Variants in C3orf18 observed in about 807,000 individuals in gnomAD.
C3orf18 encodes the protein chromosome 3 open reading frame 18, also known as uncharacterized protein C3orf18.
In C3orf18, 12 loss-of-function variants were observed where a neutral mutation model predicts 14.1. The observed-to-expected ratio is 0.85, with a 90% CI of 0.55 to 1.38. The LOEUF is 1.38. C3orf18 is among the 40% of genes most tolerant of loss of function. The pLI, the probability that C3orf18 is intolerant of heterozygous loss-of-function variation, is 0.00. For synonymous variants in C3orf18, 82 were observed against 87.9 expected, an observed-to-expected ratio of 0.93 and a Z score of 0.38; for missense variants, 196 against 213.9, an observed-to-expected ratio of 0.92 and a Z score of 0.52.
rs368736878 is a variant in C3orf18, at chr3:50,561,750, G to A, written c.235-3C>T. On this transcript the variant is annotated splice_region_variant and splice_polypyrimidine_tract_variant and intron_variant, in intron 3 of 5. Coordinates refer to ENST00000357203, the MANE Select transcript of C3orf18 (RefSeq NM_016210.5). ...TTCTTCTTCCTGATGTACAAAACCT[G>A]CAAGAGAAGGAGCAGCATCAAATGG... is the stretch of plus-strand genomic sequence containing the variant. The A allele has an allele frequency of 1.3e-4, 204 of 1,613,642 alleles. No individual in the cohort carries two copies. The highest frequency in any genetic ancestry group is 1.5e-4 in the Non-Finnish European group (182 of 1,179,990).
At chr3:50,562,434 C>A (rs1700040932) in intron 3 of C3orf18, 1 of 454,218 alleles carries the variant, frequency 2.2e-6, no homozygotes, top group African/African-American at 2.0e-5. Context: ...CCCCTCAACT[C>A]TTCCCAGGCT....
chr3:50,565,388 C>G lies in C3orf18; in HGVS notation c.234+78G>C. On this transcript the variant is annotated intron_variant, in intron 3 of 5. Transcript: ENST00000357203. The surrounding 1 kb of genome is among the most constrained non-coding windows in gnomAD (Gnocchi z 4.4). ...TCTCAAAAACAACAATAACAACAAC[C>G]AGATTGTCTTCTGATTGATTAGGTT... The G allele has an allele frequency of 9.0e-7, 1 of 1,113,122 alleles. No individual in the cohort carries two copies. The highest frequency in any genetic ancestry group is 2.0e-4 in the Middle Eastern group (1 of 5,078). 69.0% of individuals were successfully genotyped at this position (1,113,122 alleles called of 1,614,324 possible).
chr3:50,564,767 T>C (rs1483210649), intron 3 of C3orf18, among the ~76,000 whole-genome samples: 2 of 152,194 alleles, frequency 1.3e-5, no homozygotes, highest in African/African-American at 4.8e-5. Flanking sequence ...CAGATCATCT[T>C]ACCCAGACTC....
Position 50,565,792 on chromosome 3 carries a change from C to T in C3orf18, c.-93G>A. ...CTCCGGAGTGCCCCAGCCTGTGGTTCCTGCCACCTGTGGTGGCCACCTGCA... is the reference window on the plus strand; with the variant it reads ...CTCCGGAGTGCCCCAGCCTGTGGTTTCTGCCACCTGTGGTGGCCACCTGCA... On this transcript the variant is annotated 5_prime_UTR_variant, in exon 3 of 6. Transcript: ENST00000357203. The surrounding 1 kb of genome is among the most constrained non-coding windows in gnomAD (Gnocchi z 4.4). 1.0e-6 allele frequency: 1 copy of T among 986,710 alleles called. No individual in the cohort carries two copies. 61.1% of individuals were successfully genotyped at this position (986,710 alleles called of 1,614,324 possible).
chr3:50,564,722 T>A (rs1049135982), intron 3 of C3orf18, among the ~76,000 whole-genome samples: 1 of 152,208 alleles, frequency 6.6e-6, no homozygotes, highest in African/African-American at 2.4e-5. Context: ...GCCAAGTGAA[T>A]AAATGAATGT....
At chr3:50,568,834 C>A (rs1700572084), upstream of C3orf18, among the ~76,000 whole-genome samples, 1 of 152,000 alleles carries the variant, frequency 6.6e-6, no homozygotes, top group Non-Finnish European at 1.5e-5. Flanking sequence ...CTTTGCGAGA[C>A]GCTGCCGAGT....
At chr3:50,571,942 CG>C (rs1697266494), upstream of C3orf18, 2 of 796,040 alleles carry the variant, frequency 2.5e-6, no homozygotes, top group African/African-American at 1.8e-5. Context: ...AGAGTGGGGC[CG>C]GGGTACTGAA....
At position 50,565,465 on chromosome 3, in the gene C3orf18, C is replaced by T; in HGVS notation, c.234+1G>A. The T allele has an allele frequency of 6.2e-7, 1 of 1,612,094 alleles. No homozygotes were observed. Among genetic ancestry groups the T allele is most frequent in the Non-Finnish European group, 8.5e-7 (1 of 1,178,296 alleles). ...CTCCCCCAGCCTACCCCAGCTCTCA[C>T]CAAGGCCACAGCCAGGCCTATCACC... On this transcript the variant is annotated splice_donor_variant, in intron 3 of 5. Transcript: ENST00000357203. LOFTEE classifies it high-confidence loss of function. This position sits in a 1 kb window ranked among gnomAD's most constrained non-coding sequence, Gnocchi z 4.4.
At position 50,558,174 on chromosome 3, in the gene C3orf18, A is replaced by G. The variant is rs1699770154; in HGVS notation, c.*1483T>C. 6.5e-6 allele frequency: 1 copy of G among 154,772 alleles called. No individual in the cohort carries two copies. Among genetic ancestry groups the G allele is most frequent in the South Asian group, 2.0e-4 (1 of 4,936 alleles). The allele number at this position is 154,772 out of a possible 1,614,324, so 9.6% of individuals were successfully genotyped here. On this transcript the variant is annotated 3_prime_UTR_variant, in exon 6 of 6. Transcript: ENST00000357203. ...AGCATTTAGAGGAGGGAATAAATCC[A>G]GAACCTTCCCCATGGGGGCTTCCTA...
chr3:50,559,380 C>T lies in C3orf18; in HGVS notation c.*277G>A. The T allele has an allele frequency of 7.5e-7, 1 of 1,339,074 alleles. No homozygotes were observed. Among genetic ancestry groups the T allele is most frequent in the East Asian group, 3.2e-5 (1 of 31,182 alleles). 82.9% of individuals were successfully genotyped at this position (1,339,074 alleles called of 1,614,324 possible). A position where few individuals can be genotyped will look rare whatever the true frequency, so the allele number is the denominator to read the frequency against. ...GGGATCTGGACAGGGGATGAGGAAG[C>T]CAGCAGAGGCTCTTGACCTTCTCAG... On this transcript the variant is annotated 3_prime_UTR_variant, in exon 6 of 6. Transcript: ENST00000357203.
chr3:50,568,328 C>T (rs555130903), upstream of C3orf18, among the ~76,000 whole-genome samples: 30 of 152,212 alleles, frequency 2.0e-4, no homozygotes, highest in African/African-American at 7.0e-4. Flanking sequence ...ACTCCTGATC[C>T]GCCGGTTTTC....
intron 3 of C3orf18, among the ~76,000 whole-genome samples, chr3:50,565,000 T>C (rs1245672113): frequency 6.6e-6 from 1 of 152,174 alleles, no homozygotes; most frequent in Non-Finnish European, 1.5e-5. Context: ...TTGTTTCCAG[T>C]TGGAAGCGTA....
At chr3:50,562,039 A>G in intron 3 of C3orf18, 1 of 578,874 alleles carries the variant, frequency 1.7e-6, no homozygotes, top group Non-Finnish European at 3.1e-6. Context: ...AGCTAGGATT[A>G]CAGGTGTGCA....
chr3:50,562,360 A>G, intron 3 of C3orf18: 2 of 407,178 alleles, frequency 4.9e-6, no homozygotes, highest in South Asian at 3.7e-5. Context: ...AGCTCCAGCC[A>G]CTCAGCACCT....
Position 50,565,671 on chromosome 3 carries a change from C to A in C3orf18, c.29G>T (p.Gly10Val), listed in dbSNP as rs780484029. MNSRTASAR[G>V]WFSSRPPTSE... The stretch of plus-strand genomic sequence containing the variant: ...GGTGGGTGGGCGGCTGCTGAACCAG[C>A]CCCTAGCAGATGCGGTCCTGGAGTT... The change falls in exon 3 of 6, where the codon GGC becomes GTC. Residue 10 changes from glycine to valine, a missense_variant. Gly to Val is a moderately radical substitution (Grantham distance 109, BLOSUM62 -3). Transcript: ENST00000357203. This position sits in a 1 kb window ranked among gnomAD's most constrained non-coding sequence, Gnocchi z 4.4. 8 of 1,612,232 alleles carry A rather than the reference C, an allele frequency of 5.0e-6. No individual in the cohort carries two copies. In the Admixed American group the frequency reaches 1.2e-4, roughly 24 times the overall value.
intron 3 of C3orf18, chr3:50,562,562 C>T: frequency 2.2e-6 from 1 of 455,732 alleles, no homozygotes; most frequent in Admixed American, 2.3e-5. Context: ...TCAAGTCCAG[C>T]CTGGGCAACA....
Position 50,559,484 on chromosome 3 carries a change from C to T in C3orf18, c.*173G>A. 7.0e-7 allele frequency: 1 copy of T among 1,427,208 alleles called. No homozygotes were observed. Among genetic ancestry groups the T allele is most frequent in the Non-Finnish European group, 9.2e-7 (1 of 1,089,030 alleles). The allele number at this position is 1,427,208 out of a possible 1,614,324, so 88.4% of individuals were successfully genotyped here. ...AGAAGTCCAGCCTGGCTAGGGCCCT[C>T]TCTTAGAGTCTAAAGTCAGCAGGTG... On this transcript the variant is annotated 3_prime_UTR_variant, in exon 6 of 6. Transcript: ENST00000357203.
At chr3:50,572,231 G>A, upstream of C3orf18, 3 of 1,603,712 alleles carry the variant, frequency 1.9e-6, no homozygotes, top group Non-Finnish European at 2.6e-6. Context: ...CCAGGGCAAG[G>A]CAGGATCAGG....
At chr3:50,566,768 G>A (rs1044086256) in intron 1 of C3orf18, among the ~76,000 whole-genome samples, 3 of 152,166 alleles carry the variant, frequency 2.0e-5, no homozygotes, top group Non-Finnish European at 2.9e-5. Context: ...AGGCGAGGCA[G>A]GAATGGAGCT....
Sources: allele counts gnomAD v4.1 joint callset (sites outside exome capture counted in the v4.1 genomes callset), GRCh38; gene constraint gnomAD v4.1.1; non-coding constraint Gnocchi (gnomAD v3.1); transcripts MANE v1.5; gene names NCBI Gene and HGNC (gene_info 2026-07-23, HGNC 2026-07-21).